Variants in LRRC4C observed in about 807,000 individuals in gnomAD.
The protein encoded by LRRC4C is leucine rich repeat containing 4C.
Under a neutral mutation model 33.6 loss-of-function variants are expected in LRRC4C, and 5 were observed. The ratio of observed to expected loss-of-function variants is 0.15; its 90% CI spans 0.08 to 0.31. LRRC4C has a LOEUF of 0.31. Ranked by LOEUF, LRRC4C falls within the 10% of genes least tolerant of loss-of-function variation. The probability of loss-of-function intolerance (pLI) is 1.00; values close to 1 mark genes in which losing one functional copy is unlikely to be tolerated. For synonymous variants in LRRC4C, 329 were observed against 302.0 expected (o/e 1.09, Z -0.93); for missense variants, 560 against 796.7 (o/e 0.70, Z 3.58).
chr11:40,792,772 T>C (rs1410082479), intron 2 of LRRC4C, among the ~76,000 whole-genome samples: 1 of 151,868 alleles, frequency 6.6e-6, no homozygotes, highest in Admixed American at 6.6e-5. Context: ...ATTAAGAAAA[T>C]GTGGCACATA....
chr11:41,163,297 T>TTTTTTTTTTTC (rs1182681536), intron 1 of LRRC4C, among the ~76,000 whole-genome samples: 1 of 131,420 alleles, frequency 7.6e-6, no homozygotes, highest in African/African-American at 2.8e-5. Flanking sequence ...TTTTTTTTTT[T>TTTTTTTTTTTC]TTTTCAAACA....
At chr11:41,182,929 G>A (rs1945518204) in intron 1 of LRRC4C, among the ~76,000 whole-genome samples, 1 of 151,872 alleles carries the variant, frequency 6.6e-6, no homozygotes, top group Admixed American at 6.6e-5. Flanking sequence ...AGGCAAGGAG[G>A]AGCAAATCAC....
At chr11:40,527,985 A>T (rs1456095509) in intron 3 of LRRC4C, among the ~76,000 whole-genome samples, 1 of 152,102 alleles carries the variant, frequency 6.6e-6, no homozygotes, top group Non-Finnish European at 1.5e-5. Flanking sequence ...ACCTCAAGTG[A>T]TCCGCCTGCC....
intron 1 of LRRC4C, among the ~76,000 whole-genome samples, chr11:41,370,250 C>T (rs1196206113): frequency 6.6e-6 from 1 of 152,094 alleles, no homozygotes; most frequent in African/African-American, 2.4e-5. Flanking sequence ...GTGGAACAAT[C>T]ACAGCTCACT....
At position 40,115,057 on chromosome 11, in the gene LRRC4C, A is replaced by C; in HGVS notation, c.1236T>G (p.Asn412Lys). 6.2e-7 allele frequency: 1 copy of C among 1,614,222 alleles called. No individual in the cohort carries two copies. The highest frequency in any genetic ancestry group is 1.1e-5 in the South Asian group (1 of 91,084). Residue 412 changes from asparagine to lysine, a missense_variant, in exon 7 of 7, where the codon AAT becomes AAG. Physicochemically the swap from Asn to Lys is moderately conservative, Grantham distance 94 (BLOSUM62 0). Around this residue, in one of 3 missense-constraint regions of LRRC4C, gnomAD observed 455 missense variants for 643.8 expected, o/e 0.71. Transcript: ENST00000528697. The surrounding 1 kb of genome is among the most constrained non-coding windows in gnomAD (Gnocchi z 6.7). ...TATCTTGCACAGTTACATTTGTGAA[A>C]TTTAACGTACCATCACTGAGCACAG... is the stretch of plus-strand genomic sequence containing the variant. ...RIAVLSDGTLNFTNVTVQDTG... is the reference protein window; with the variant it reads ...RIAVLSDGTLKFTNVTVQDTG...
At chr11:40,694,659 A>G (rs544807187) in intron 2 of LRRC4C, among the ~76,000 whole-genome samples, 1 of 152,298 alleles carries the variant, frequency 6.6e-6, no homozygotes, top group East Asian at 1.9e-4. Context: ...ACAAGGCAAC[A>G]AAGTGTCTTA....
intron 2 of LRRC4C, among the ~76,000 whole-genome samples, chr11:40,884,511 C>T (rs552622350): frequency 3.4e-4 from 51 of 152,108 alleles, no homozygotes; most frequent in Admixed American, 2.5e-3. Context: ...AATGATTAAA[C>T]GAATTTACAC....
intron 4 of LRRC4C, among the ~76,000 whole-genome samples, chr11:40,306,859 T>C (rs191172395): frequency 5.3e-5 from 8 of 152,290 alleles, no homozygotes; most frequent in South Asian, 2.1e-4. Context: ...TTGGGTAAGA[T>C]GTGCTATGTA....
chr11:40,718,059 A>G (rs929708729), intron 2 of LRRC4C, among the ~76,000 whole-genome samples: 1 of 152,248 alleles, frequency 6.6e-6, no homozygotes, highest in African/African-American at 2.4e-5. Flanking sequence ...ATCTGTATAC[A>G]TATCCACAAC....
chr11:40,177,315 AC>A (rs1450266223), intron 5 of LRRC4C, among the ~76,000 whole-genome samples: 2 of 152,034 alleles, frequency 1.3e-5, no homozygotes, highest in Non-Finnish European at 2.9e-5. Flanking sequence ...TTAAATCACA[AC>A]CATCTCTGGT....
Position 41,305,294 on chromosome 11 carries a change from C to G in LRRC4C, c.-496+154137G>C, listed in dbSNP as rs1950463980. Among the ~76,000 whole-genome samples, 2 of 52,064 alleles carry G rather than the reference C, an allele frequency of 3.8e-5. 1 individual carries two copies. Among genetic ancestry groups the G allele is most frequent in the African/African-American group, 8.7e-5 (2 of 23,036 alleles). 34.2% of individuals were successfully genotyped at this position (52,064 alleles called of 152,430 possible). A position where few individuals can be genotyped will look rare whatever the true frequency, so the allele number is the denominator to read the frequency against. Reference sequence around the variant, plus strand: ...AGGGAGGTGGGGGAGGGTCAGCCCCCCTGCCCGGCCAGCCGCCCCATCCGG... The same window carrying G: ...AGGGAGGTGGGGGAGGGTCAGCCCCGCTGCCCGGCCAGCCGCCCCATCCGG... On this transcript the variant is annotated intron_variant, in intron 1 of 6. Transcript: ENST00000528697.
At chr11:41,272,638 T>A (rs919289163) in intron 1 of LRRC4C, among the ~76,000 whole-genome samples, 2 of 152,144 alleles carry the variant, frequency 1.3e-5, no homozygotes, top group Non-Finnish European at 2.9e-5. Context: ...TTAAAAAAAC[T>A]GCTTAATACC....
chr11:40,672,774 T>C (rs988931220), intron 2 of LRRC4C, among the ~76,000 whole-genome samples: 1 of 152,212 alleles, frequency 6.6e-6, no homozygotes, highest in Non-Finnish European at 1.5e-5. Context: ...GTCAGAGGAA[T>C]AACATCTCAG....
intron 3 of LRRC4C, among the ~76,000 whole-genome samples, chr11:40,398,386 G>A (rs968253652): frequency 2.0e-5 from 3 of 151,822 alleles, no homozygotes; most frequent in Admixed American, 6.6e-5. Context: ...AGCTTCATGA[G>A]CCAAGAGACT....
At chr11:40,128,378 GGTCT>G (rs1381087972) in intron 6 of LRRC4C, among the ~76,000 whole-genome samples, 2 of 151,826 alleles carry the variant, frequency 1.3e-5, no homozygotes, top group Non-Finnish European at 1.5e-5. Context: ...ACATAATGTG[GGTCT>G]GTCTACTTTT....
chr11:40,907,718 A>G (rs976968532), intron 2 of LRRC4C, among the ~76,000 whole-genome samples: 4 of 152,162 alleles, frequency 2.6e-5, no homozygotes, highest in Non-Finnish European at 5.9e-5. Flanking sequence ...GTGAAAACAC[A>G]TTATTCAATG....
intron 1 of LRRC4C, among the ~76,000 whole-genome samples, chr11:41,317,197 C>A (rs1251085480): frequency 1.3e-5 from 2 of 151,952 alleles, no homozygotes; most frequent in African/African-American, 4.8e-5. Flanking sequence ...AGTTTCCTTG[C>A]AGTATGGCTA....
Position 40,588,445 on chromosome 11 carries a change from T to G in LRRC4C, c.-270+59697A>C, listed in dbSNP as rs557599805. ...AAAACCAGCTCCTGGATTCATTAAT[T>G]TTTTGAAGGGTTTTTTGTGTCTCTA... is the stretch of plus-strand genomic sequence containing the variant. On this transcript the variant is annotated intron_variant, in intron 3 of 6. Coordinates refer to ENST00000528697, the MANE Select transcript of LRRC4C (RefSeq NM_001258419.2). Among the ~76,000 whole-genome samples, 4 of 152,090 alleles carry G rather than the reference T, an allele frequency of 2.6e-5. No individual in the cohort carries two copies. The South Asian group carries it at 8.3e-4, about 32-fold the overall frequency.
At chr11:40,604,860 A>T (rs555740210) in intron 3 of LRRC4C, among the ~76,000 whole-genome samples, 2 of 152,142 alleles carry the variant, frequency 1.3e-5, no homozygotes, top group African/African-American at 4.8e-5. Flanking sequence ...GACAAGCAGC[A>T]TAAGGAGGAA....
Sources: allele counts gnomAD v4.1 joint callset (sites outside exome capture counted in the v4.1 genomes callset), GRCh38; gene constraint gnomAD v4.1.1; regional missense constraint gnomAD v4.1.1; non-coding constraint Gnocchi (gnomAD v3.1); transcripts MANE v1.5; gene names NCBI Gene and HGNC (gene_info 2026-07-23, HGNC 2026-07-21).